IL17B: variants seen among roughly 807,000 people sequenced by gnomAD.
IL17B encodes interleukin 17B, also known as interleukin-17B.
Under a neutral mutation model 14.7 loss-of-function variants are expected in IL17B, and 14 were observed. The ratio of observed to expected loss-of-function variants is 0.95; its 90% CI spans 0.63 to 1.49. The LOEUF is 1.49. IL17B is among the 40% of genes most tolerant of loss of function. The probability of loss-of-function intolerance (pLI) is 0.00; values close to 1 mark genes in which losing one functional copy is unlikely to be tolerated. For synonymous variants in IL17B, 105 were observed against 94.8 expected (o/e 1.11, Z -0.62); for missense variants, 233 against 252.8 (o/e 0.92, Z 0.53).
rs1293983694 is a variant in IL17B at position 149,374,795 on chromosome 5, G to T, written c.312-195C>A. 5.4e-6 allele frequency: 3 copies of T among 554,756 alleles called. No individual in the cohort carries two copies. The Admixed American group carries it at 9.2e-5, about 17-fold the overall frequency. 34.4% of individuals were successfully genotyped at this position (554,756 alleles called of 1,614,324 possible). A position where few individuals can be genotyped will look rare whatever the true frequency, so the allele number is the denominator to read the frequency against. Reference sequence around the variant, plus strand: ...GAAGATCATGGAAGGCAAGTCGAGAGCCCCAAGGTTATCCAGCTTCAAGGT... The same window carrying T: ...GAAGATCATGGAAGGCAAGTCGAGATCCCCAAGGTTATCCAGCTTCAAGGT... On this transcript the variant is annotated intron_variant, in intron 2 of 2. Transcript: ENST00000261796. The surrounding 1 kb of genome is among the most constrained non-coding windows in gnomAD (Gnocchi z 5.0).
At chr5:149,401,232 T>C (rs576055802) in intron 1 of IL17B, among the ~76,000 whole-genome samples, 66 of 152,364 alleles carry the variant, frequency 4.3e-4, no homozygotes, top group African/African-American at 1.5e-3. Flanking sequence ...TCCGATTCCC[T>C]GTAGTAAATC....
At chr5:149,379,320 T>TA (rs961560551), upstream of IL17B, 3 of 1,477,730 alleles carry the variant, frequency 2.0e-6, no homozygotes, top group African/African-American at 4.2e-5. Flanking sequence ...GCGAAGCAAT[T>TA]ATAGCTCAAC....
intron 1 of IL17B, among the ~76,000 whole-genome samples, chr5:149,390,913 G>A (rs549289742): frequency 7.5e-4 from 114 of 151,840 alleles, no homozygotes; most frequent in African/African-American, 2.4e-3. Context: ...GGAGTTTATG[G>A]TCAAAAAGGG....
intron 1 of IL17B, among the ~76,000 whole-genome samples, chr5:149,377,401 A>G (rs1366693592): frequency 6.6e-6 from 1 of 152,116 alleles, no homozygotes; most frequent in African/African-American, 2.4e-5. Flanking sequence ...CACCTCTTGC[A>G]TGACTTCAAT....
At chr5:149,397,935 C>A (rs959298864) in intron 1 of IL17B, among the ~76,000 whole-genome samples, 1 of 152,136 alleles carries the variant, frequency 6.6e-6, no homozygotes, top group Non-Finnish European at 1.5e-5. Context: ...TCTCCTGGCC[C>A]CCTGCCTATT....
chr5:149,395,142 A>C (rs1477856416), intron 1 of IL17B, among the ~76,000 whole-genome samples: 3 of 151,978 alleles, frequency 2.0e-5, no homozygotes, highest in Non-Finnish European at 4.4e-5. Context: ...GCATTAGTTC[A>C]CTTAAGATAA....
At chr5:149,403,711 C>A (rs79996629) in intron 1 of IL17B, among the ~76,000 whole-genome samples, 7 of 151,882 alleles carry the variant, frequency 4.6e-5, no homozygotes, top group Admixed American at 2.6e-4. Context: ...GAAGCCCATA[C>A]GATCTCAGGG....
rs778496736 is a variant in IL17B at position 149,374,411 on chromosome 5, TG to T, written c.500del (p.Ala167GlufsTer42). 1.1e-4 allele frequency: 179 copies of T among 1,602,990 alleles called. 1 individual carries two copies. Among genetic ancestry groups the T allele is most frequent in the Non-Finnish European group, 1.4e-4 (165 of 1,177,470 alleles). On this transcript the variant is annotated frameshift_variant, in exon 3 of 3. Transcript: ENST00000261796. LOFTEE classifies it high-confidence loss of function. This position sits in a 1 kb window ranked among gnomAD's most constrained non-coding sequence, Gnocchi z 5.0. The stretch of plus-strand genomic sequence containing the variant: ...AGCCCACAGCGATGGTCTCCATGAC[TG>T]CGCGCTGGCGGCAAGGCCCTGTGCG... ...PPRTGPCRQR[A>X]VMETIAVGCT... is the part of the protein sequence containing the mutation.
At chr5:149,399,920 A>G (rs1759173867) in intron 1 of IL17B, among the ~76,000 whole-genome samples, 1 of 152,144 alleles carries the variant, frequency 6.6e-6, no homozygotes, top group African/African-American at 2.4e-5. Context: ...GAGCCTTGTA[A>G]GCTAAAAACT....
chr5:149,378,473 T>C (rs1013357152), intron 1 of IL17B, among the ~76,000 whole-genome samples: 1 of 152,200 alleles, frequency 6.6e-6, no homozygotes, highest in Non-Finnish European at 1.5e-5. Context: ...TGCCTGCGTG[T>C]GAGGCAGAGC....
intron 1 of IL17B, among the ~76,000 whole-genome samples, chr5:149,401,388 G>T (rs1256417458): frequency 6.6e-6 from 1 of 152,242 alleles, no homozygotes; most frequent in Non-Finnish European, 1.5e-5. Context: ...AAGCTGTCAA[G>T]GTCTCGTGGT....
At chr5:149,398,125 CT>C (rs1759128939) in intron 1 of IL17B, among the ~76,000 whole-genome samples, 1 of 152,176 alleles carries the variant, frequency 6.6e-6, no homozygotes. Flanking sequence ...AAGTCCACCC[CT>C]TGTCAACTTG....
Position 149,396,963 on chromosome 5 carries a change from T to C in IL17B, n.95+7145A>G, listed in dbSNP as rs567011518. Among the ~76,000 whole-genome samples, 82 of 152,202 alleles carry C rather than the reference T, an allele frequency of 5.4e-4. 1 individual carries two copies. The highest frequency in any genetic ancestry group is 1.1e-3 in the Non-Finnish European group (72 of 68,000). ...GGGAAGGGGCAGAAGTTGTACACAATTGAATAATTTGGCAGGAGAGGGTTC... is the reference window on the plus strand; with the variant it reads ...GGGAAGGGGCAGAAGTTGTACACAACTGAATAATTTGGCAGGAGAGGGTTC... On this transcript the variant is annotated intron_variant and non_coding_transcript_variant, in intron 1 of 2. Coordinates refer to the IL17B transcript ENST00000505432.
At chr5:149,378,296 C>T (rs1758599545) in intron 1 of IL17B, among the ~76,000 whole-genome samples, 2 of 152,172 alleles carry the variant, frequency 1.3e-5, no homozygotes, top group South Asian at 4.1e-4. Flanking sequence ...TGAGCCTTCC[C>T]TCTTCCAGCC....
chr5:149,394,285 T>C (rs1300435932), intron 1 of IL17B, among the ~76,000 whole-genome samples: 2 of 152,224 alleles, frequency 1.3e-5, no homozygotes, highest in Non-Finnish European at 2.9e-5. Context: ...GCTTTCTAAC[T>C]GCGGCCATCT....
chr5:149,394,337 A>G (rs1759049433), intron 1 of IL17B, among the ~76,000 whole-genome samples: 1 of 152,240 alleles, frequency 6.6e-6, no homozygotes, highest in Non-Finnish European at 1.5e-5. Context: ...GACAAGATCA[A>G]TAAAAAACTG....
intron 1 of IL17B, among the ~76,000 whole-genome samples, chr5:149,394,617 A>G (rs1386473578): frequency 6.6e-6 from 1 of 152,226 alleles, no homozygotes; most frequent in Non-Finnish European, 1.5e-5. Flanking sequence ...GATGATATGA[A>G]AACTGTATTA....
At chr5:149,387,432 C>T (rs1012899928) in intron 1 of IL17B, among the ~76,000 whole-genome samples, 7 of 152,084 alleles carry the variant, frequency 4.6e-5, no homozygotes, top group Non-Finnish European at 7.3e-5. Flanking sequence ...ATGACAATTG[C>T]GTGATGGTAA....
At chr5:149,389,445 C>T (rs1025908035) in intron 1 of IL17B, among the ~76,000 whole-genome samples, 3 of 152,228 alleles carry the variant, frequency 2.0e-5, no homozygotes, top group African/African-American at 7.2e-5. Flanking sequence ...GGAACAAGAG[C>T]CATCATCTCC....
Sources: allele counts gnomAD v4.1 joint callset (sites outside exome capture counted in the v4.1 genomes callset), GRCh38; gene constraint gnomAD v4.1.1; non-coding constraint Gnocchi (gnomAD v3.1); transcripts MANE v1.5; gene names NCBI Gene and HGNC (gene_info 2026-07-23, HGNC 2026-07-21).